ZNF341: variants seen among roughly 807,000 people sequenced by gnomAD.
ZNF341 encodes the protein zinc finger protein 341.
In ZNF341, 52 loss-of-function variants were observed where a neutral mutation model predicts 87.7. The ratio of observed to expected loss-of-function variants is 0.59; its 90% CI spans 0.47 to 0.75. The LOEUF (loss-of-function observed/expected upper bound fraction) is 0.75. Among genes scored for constraint, ZNF341 ranks in the 30% least tolerant of loss-of-function variants. The pLI, the probability that ZNF341 is intolerant of heterozygous loss-of-function variation, is 0.00. For missense variants in ZNF341, 977 were observed against 1,145.9 expected (o/e 0.85, Z 2.13); for synonymous variants, 459 against 472.7 (o/e 0.97, Z 0.38).
chr20:33,766,181 G>A (rs2019402289), intron 8 of ZNF341, among the ~76,000 whole-genome samples: 1 of 151,736 alleles, frequency 6.6e-6, no homozygotes, highest in South Asian at 2.1e-4. Flanking sequence ...CACCGCACCT[G>A]GTGATGATTA....
chr20:33,755,350 A>G (rs902753161), intron 5 of ZNF341, among the ~76,000 whole-genome samples: 1 of 151,588 alleles, frequency 6.6e-6, no homozygotes, highest in Non-Finnish European at 1.5e-5. Flanking sequence ...TAAATTAGAG[A>G]TAGGGGTCTC....
chr20:33,772,234 GGGAGCA>G (rs2019548584), intron 10 of ZNF341, among the ~76,000 whole-genome samples: 1 of 152,050 alleles, frequency 6.6e-6, no homozygotes, highest in Non-Finnish European at 1.5e-5. Context: ...TGCATCATCT[GGGAGCA>G]CCTGCCTCAC....
chr20:33,734,186 G>T (rs1438331246), intron 1 of ZNF341, among the ~76,000 whole-genome samples: 1 of 152,200 alleles, frequency 6.6e-6, no homozygotes, highest in Non-Finnish European at 1.5e-5. Flanking sequence ...CAGGCAGCAG[G>T]AACTGCATTT....
chr20:33,759,899 A>T (rs182148883), intron 7 of ZNF341, among the ~76,000 whole-genome samples: 2 of 152,282 alleles, frequency 1.3e-5, no homozygotes, highest in East Asian at 3.9e-4. Flanking sequence ...CTTGGATCAC[A>T]TCATTCCTTC....
intron 12 of ZNF341, among the ~76,000 whole-genome samples, 188 bp downstream of exon 12, chr20:33,784,052 G>GTCTCCCTCCTCCTCCCCA (rs1353835052): frequency 7.3e-5 from 4 of 54,692 alleles, no homozygotes; most frequent in Non-Finnish European, 7.1e-5. Context: ...CTCAGCCCCC[G>GTCTCCCTCCTCCTCCCCA]TCTCCCTCCT....
chr20:33,784,895 C>T (rs144597329), intron 12 of ZNF341, among the ~76,000 whole-genome samples: 47 of 152,238 alleles, frequency 3.1e-4, no homozygotes, highest in Middle Eastern at 3.4e-3. Context: ...GGATGACAGG[C>T]GTGAGGCACT....
chr20:33,791,370 T>C lies in ZNF341; in HGVS notation c.2418T>C (p.Gly806=). The part of the protein sequence containing the change: ...EPDAVLSIVV[G]GAVGAETELV... ...ACGCGGTGCTGTCCATCGTTGTGGG[T>C]GGTGCGGTGGGCGCGGAAACTGAGC... is the stretch of plus-strand genomic sequence containing the variant. The change falls in exon 15 of 15, where the codon GGT becomes GGC. Residue 806 remains glycine (G), a synonymous_variant. Coordinates refer to ENST00000375200, the MANE Select transcript of ZNF341 (RefSeq NM_001282933.2). 2 of 1,612,666 alleles carry C rather than the reference T, an allele frequency of 1.2e-6. No individual in the cohort carries two copies. Among genetic ancestry groups the C allele is most frequent in the Non-Finnish European group, 1.7e-6 (2 of 1,179,678 alleles).
At chr20:33,780,993 C>T (rs536601796) in intron 10 of ZNF341, among the ~76,000 whole-genome samples, 1 of 152,238 alleles carries the variant, frequency 6.6e-6, no homozygotes, top group African/African-American at 2.4e-5. Flanking sequence ...CAGGTGTGAG[C>T]CAGCCACTGT....
At position 33,732,313 on chromosome 20, in the gene ZNF341, G is replaced by A. The variant is rs6119400; in HGVS notation, c.31+261G>A. ...GTCCGGAACAGCGCCAGCCTGGGCG[G>A]CCTTGGGCGGGCGCGGGAGGGGCTC... On this transcript the variant is annotated intron_variant, in intron 1 of 14. Coordinates refer to ENST00000375200, the MANE Select transcript of ZNF341 (RefSeq NM_001282933.2). This position sits in a 1 kb window ranked among gnomAD's most constrained non-coding sequence, Gnocchi z 4.5. Among the ~76,000 whole-genome samples, 1,988 of 151,102 alleles carry A rather than the reference G, an allele frequency of 0.013. 48 individuals are homozygous for A. The highest frequency in any genetic ancestry group is 0.047 in the African/African-American group (1,930 of 41,356).
intron 1 of ZNF341, among the ~76,000 whole-genome samples, chr20:33,734,887 T>A (rs1208836496): frequency 6.6e-6 from 1 of 151,932 alleles, no homozygotes; most frequent in African/African-American, 2.4e-5. Flanking sequence ...GTATTTTTAA[T>A]AGAGAAGGGG....
chr20:33,757,043 G>C (rs1456064577), intron 5 of ZNF341, 105 bp from the exon 6 acceptor site: 14 of 935,330 alleles, frequency 1.5e-5, no homozygotes, highest in Non-Finnish European at 2.1e-5. Flanking sequence ...GGTGATGTAG[G>C]GGAGAGCGGC....
chr20:33,767,023 C>T lies in ZNF341; in HGVS notation c.1395C>T (p.Thr465=). The change falls in exon 9 of 15, where the codon ACC becomes ACT. Residue 465 remains threonine (T), a synonymous_variant. Transcript: ENST00000375200. The stretch of plus-strand genomic sequence containing the variant: ...ACTTCCAGCTCAAGTCTCACATGAC[C>T]CAGCATAAGAATGAGCAGGTAGGTG... ...STYFQLKSHM[T]QHKNEQVYKC... The T allele has an allele frequency of 1.2e-6, 2 of 1,613,434 alleles. No homozygotes were observed. Among genetic ancestry groups the T allele is most frequent in the Non-Finnish European group, 8.5e-7 (1 of 1,179,646 alleles).
intron 4 of ZNF341, among the ~76,000 whole-genome samples, chr20:33,751,398 A>G (rs1194593671): frequency 6.6e-6 from 1 of 152,136 alleles, no homozygotes; most frequent in Non-Finnish European, 1.5e-5. Context: ...AGCAAGGGAA[A>G]AAGACACATC....
chr20:33,741,475 C>T (rs2018801922), intron 2 of ZNF341, among the ~76,000 whole-genome samples: 1 of 151,242 alleles, frequency 6.6e-6, no homozygotes, highest in Non-Finnish European at 1.5e-5. Context: ...ACGATCTTGG[C>T]TCACTGCAAC....
chr20:33,736,288 T>C (rs1315559169), intron 1 of ZNF341, among the ~76,000 whole-genome samples: 1 of 151,508 alleles, frequency 6.6e-6, no homozygotes, highest in African/African-American at 2.4e-5. Flanking sequence ...ATTGTAACAG[T>C]GAGAAAATCA....
chr20:33,778,425 C>T (rs750562761), intron 10 of ZNF341, among the ~76,000 whole-genome samples: 14 of 152,262 alleles, frequency 9.2e-5, no homozygotes, highest in Non-Finnish European at 1.9e-4. Flanking sequence ...ATTCTTGTGC[C>T]TCAGCCTCCT....
chr20:33,766,525 G>A (rs2019409870), intron 8 of ZNF341, among the ~76,000 whole-genome samples: 1 of 152,140 alleles, frequency 6.6e-6, no homozygotes, highest in African/African-American at 2.4e-5. Flanking sequence ...GGGGACTGGG[G>A]AGGCATTAGG....
chr20:33,783,950 C>T (rs1313325336), intron 12 of ZNF341, 86 bp downstream of exon 12: 1 of 1,359,396 alleles, frequency 7.4e-7, no homozygotes, highest in Non-Finnish European at 1.0e-6. Context: ...CTTCCCATCC[C>T]CATCTGGCTC....
intron 6 of ZNF341, among the ~76,000 whole-genome samples, chr20:33,757,705 A>G (rs1023485157): frequency 3.3e-5 from 5 of 152,126 alleles, no homozygotes; most frequent in Admixed American, 2.6e-4. Context: ...AGGGAAAGAG[A>G]AGGATAAAAG....
Sources: gnomAD v4.1 joint callset for allele counts (sites outside exome capture counted in the v4.1 genomes callset) on GRCh38, gnomAD v4.1.1 for gene constraint, Gnocchi (gnomAD v3.1) non-coding constraint, MANE v1.5 for transcripts, NCBI Gene and HGNC (gene_info 2026-07-23, HGNC 2026-07-21) for gene names.